Variants in UBAC2 observed in about 807,000 individuals in gnomAD.
UBAC2 encodes ubiquitin-associated domain-containing protein 2.
A neutral mutation model predicts 44.0 loss-of-function variants in UBAC2; 26 were observed. That is an observed-to-expected ratio of 0.59 (90% CI 0.43 to 0.82). UBAC2 has a LOEUF of 0.82. UBAC2 is among the 40% of genes least tolerant of loss of function. The pLI is 0.00. For missense variants in UBAC2, 329 were observed against 419.4 expected, an observed-to-expected ratio of 0.78 and a Z score of 1.88; for synonymous variants, 155 against 154.3, an observed-to-expected ratio of 1.00 and a Z score of -0.04.
chr13:99,265,796 A>G (rs924201214), intron 4 of UBAC2, among the ~76,000 whole-genome samples: 3 of 152,258 alleles, frequency 2.0e-5, no homozygotes, highest in Non-Finnish European at 4.4e-5. Context: ...GGTAGATACA[A>G]TTACAAAGAC....
intron 7 of UBAC2, among the ~76,000 whole-genome samples, chr13:99,342,939 T>C (rs1395329520): frequency 1.3e-5 from 2 of 152,244 alleles, no homozygotes; most frequent in Non-Finnish European, 2.9e-5. Context: ...TTCTTTCAGC[T>C]GCCACTCATG....
intron 4 of UBAC2, among the ~76,000 whole-genome samples, chr13:99,287,643 C>CTTTTTTTTTTTTTTTTTTTTTTTT (rs11304203): frequency 4.2e-5 from 4 of 95,150 alleles, no homozygotes; most frequent in African/African-American, 1.4e-4. Flanking sequence ...TTTTTTCTTT[C>CTTTTTTTTTTTTTTTTTTTTTTTT]TTTTTTTTTT....
chr13:99,293,665 C>T (rs1436950038), intron 4 of UBAC2, among the ~76,000 whole-genome samples: 1 of 152,126 alleles, frequency 6.6e-6, no homozygotes, highest in African/African-American at 2.4e-5. Flanking sequence ...TTGACAATGG[C>T]TTTAAAATCA....
chr13:99,201,137 TG>T, intron 1 of UBAC2, 198 bp downstream of exon 1: 1 of 1,355,420 alleles, frequency 7.4e-7, no homozygotes. Context: ...GAGGGGCGAA[TG>T]GGGACAAAGC....
At chr13:99,251,396 T>G (rs2043456525) in intron 4 of UBAC2, among the ~76,000 whole-genome samples, 1 of 152,190 alleles carries the variant, frequency 6.6e-6, no homozygotes, top group Non-Finnish European at 1.5e-5. Flanking sequence ...GGCTAGGACT[T>G]CTGGCACTGA....
At chr13:99,309,849 C>T (rs1413968816) in intron 4 of UBAC2, among the ~76,000 whole-genome samples, 1 of 151,738 alleles carries the variant, frequency 6.6e-6, no homozygotes, top group Non-Finnish European at 1.5e-5. Flanking sequence ...TGACCTCAAG[C>T]CATCTGCCCA....
At chr13:99,312,791 T>C (rs1328716202) in intron 4 of UBAC2, 2 of 153,366 alleles carry the variant, frequency 1.3e-5, no homozygotes, top group South Asian at 2.1e-4. Context: ...GTGTGGATTT[T>C]TGAGAGGGCC....
intron 2 of UBAC2, 35 bp downstream of exon 2, chr13:99,238,589 C>T (rs374624325): frequency 5.1e-5 from 76 of 1,487,822 alleles, no homozygotes; most frequent in Middle Eastern, 1.8e-4. Flanking sequence ...GAGAGGAGAG[C>T]GGACAGTTTT....
chr13:99,272,682 C>A (rs559890109), intron 4 of UBAC2, among the ~76,000 whole-genome samples: 11 of 152,276 alleles, frequency 7.2e-5, no homozygotes, highest in Middle Eastern at 3.4e-3. Context: ...GGTCTCTCTT[C>A]CTCCTCTTAC....
chr13:99,206,013 G>C (rs898423127), intron 1 of UBAC2: 1 of 153,108 alleles, frequency 6.5e-6, no homozygotes. Flanking sequence ...GATCTGCGGC[G>C]AGGGAGGAGT....
chr13:99,202,095 G>C (rs946295537), intron 1 of UBAC2, among the ~76,000 whole-genome samples: 2 of 134,978 alleles, frequency 1.5e-5, no homozygotes, highest in Non-Finnish European at 3.2e-5. Flanking sequence ...AAAAAAAAAA[G>C]ATCTGTTGGG....
At chr13:99,309,783 G>T (rs182199784) in intron 4 of UBAC2, among the ~76,000 whole-genome samples, 1,777 of 151,586 alleles carry the variant, frequency 0.012, 31 homozygotes, top group African/African-American at 0.037. Context: ...GTATTTTTTT[G>T]TGTGTGTGTG....
chr13:99,340,473 C>G lies in UBAC2; in HGVS notation c.715C>G (p.Leu239Val). Reference sequence around the variant, plus strand: ...AGCCAGAATTGGGATGGGAGCCACGCTGGACATCCAGAGACAGCAGAGAAT... The same window carrying G: ...AGCCAGAATTGGGATGGGAGCCACGGTGGACATCCAGAGACAGCAGAGAAT... ...SEARIGMGATLDIQRQQRMEL... is the reference protein window; with the variant it reads ...SEARIGMGATVDIQRQQRMEL... The change falls in exon 7 of 9, where the codon CTG becomes GTG. Residue 239 changes from leucine to valine, a missense_variant. Coordinates refer to ENST00000403766, the MANE Select transcript of UBAC2 (RefSeq NM_001144072.2). 6.2e-7 allele frequency: 1 copy of G among 1,614,218 alleles called. No homozygotes were observed.
chr13:99,235,992 C>T (rs1392444229), intron 1 of UBAC2, among the ~76,000 whole-genome samples: 10 of 151,976 alleles, frequency 6.6e-5, no homozygotes, highest in South Asian at 4.2e-4. Context: ...GCTGGTAAAA[C>T]GGGTTAACCA....
At position 99,371,346 on chromosome 13, in the gene UBAC2, T is replaced by A. The variant is rs1421448353; in HGVS notation, c.927+3440T>A. Among the ~76,000 whole-genome samples the A allele has an allele frequency of 2.6e-5, 4 of 152,300 alleles. No individual in the cohort carries two copies. The East Asian group carries it at 7.7e-4, about 29-fold the overall frequency. On this transcript the variant is annotated intron_variant, in intron 8 of 8. Coordinates refer to ENST00000403766, the MANE Select transcript of UBAC2 (RefSeq NM_001144072.2). Reference sequence around the variant, plus strand: ...TATACATTGATTTTCTAAATCTTGTTTTTGGTGTTTCTTGATTATCCTGCA... The same window carrying A: ...TATACATTGATTTTCTAAATCTTGTATTTGGTGTTTCTTGATTATCCTGCA...
chr13:99,308,025 A>G (rs915751427), intron 4 of UBAC2: 2 of 152,238 alleles, frequency 1.3e-5, no homozygotes, highest in East Asian at 1.9e-4. Flanking sequence ...GAGGCCCATT[A>G]TAGATAAAAT....
At chr13:99,333,342 G>A (rs151151390) in intron 6 of UBAC2, among the ~76,000 whole-genome samples, 64 of 152,294 alleles carry the variant, frequency 4.2e-4, no homozygotes, top group Middle Eastern at 3.4e-3. Context: ...TCATGCTGGC[G>A]TGCCAGTGAC....
At chr13:99,204,042 A>G (rs2042838329) in intron 1 of UBAC2, among the ~76,000 whole-genome samples, 1 of 152,204 alleles carries the variant, frequency 6.6e-6, no homozygotes, top group East Asian at 1.9e-4. Flanking sequence ...ACTCAGCTCT[A>G]CGTTGAGTAA....
intron 7 of UBAC2, among the ~76,000 whole-genome samples, chr13:99,343,803 C>G (rs1805539734): frequency 6.6e-6 from 1 of 152,228 alleles, no homozygotes; most frequent in Admixed American, 6.5e-5. Flanking sequence ...GTAGAGAACT[C>G]TTTTGTTAAA....
Sources: allele counts gnomAD v4.1 joint callset (sites outside exome capture counted in the v4.1 genomes callset), GRCh38; gene constraint gnomAD v4.1.1; transcripts MANE v1.5; gene names NCBI Gene and HGNC (gene_info 2026-07-23, HGNC 2026-07-21).